ATP2B4: variants seen among roughly 807,000 people sequenced by gnomAD.
ATP2B4 encodes ATPase plasma membrane Ca2+ transporting 4.
In ATP2B4, 39 loss-of-function variants were observed where a neutral mutation model predicts 110.3. The observed-to-expected ratio is 0.35, with a 90% confidence interval of 0.27 to 0.46. The LOEUF (loss-of-function observed/expected upper bound fraction) is 0.46. Ranked by LOEUF, ATP2B4 falls within the 20% of genes least tolerant of loss-of-function variation. The pLI, the probability that ATP2B4 is intolerant of heterozygous loss-of-function variation, is 1.00. For synonymous variants in ATP2B4, 538 were observed against 571.7 expected (o/e 0.94, Z 0.84); for missense variants, 1,135 against 1,530.9 (o/e 0.74, Z 4.32).
intron 2 of ATP2B4, among the ~76,000 whole-genome samples, chr1:203,691,260 C>T (rs1351104463): frequency 6.6e-6 from 1 of 152,196 alleles, no homozygotes; most frequent in Non-Finnish European, 1.5e-5. Flanking sequence ...TGGTTTTTAA[C>T]CTTCTCATTC....
At chr1:203,712,867 C>T (rs958962247) in intron 13 of ATP2B4, among the ~76,000 whole-genome samples, 9 of 152,034 alleles carry the variant, frequency 5.9e-5, no homozygotes, top group African/African-American at 1.5e-4. Flanking sequence ...TTTACCCACC[C>T]GAGCCAACAG....
At chr1:203,727,333 T>C (rs2102225730) in intron 19 of ATP2B4, 62 bp from the exon 20 acceptor site, 1 of 1,582,882 alleles carries the variant, frequency 6.3e-7, no homozygotes, top group African/African-American at 1.3e-5. Flanking sequence ...CTCATGTAAG[T>C]TGACTGACAG....
At chr1:203,645,126 C>T (rs1406422869) in intron 1 of ATP2B4, among the ~76,000 whole-genome samples, 4 of 152,188 alleles carry the variant, frequency 2.6e-5, no homozygotes, top group Admixed American at 6.5e-5. Context: ...GTACATTCTC[C>T]TAACTTGCTC....
intron 1 of ATP2B4, among the ~76,000 whole-genome samples, chr1:203,680,722 AT>A (rs1201969782): frequency 1.3e-5 from 2 of 152,144 alleles, no homozygotes; most frequent in Non-Finnish European, 2.9e-5. Context: ...CTATAATTCC[AT>A]TCCTTTATCA....
chr1:203,650,723 A>T (rs1305132082), intron 1 of ATP2B4, among the ~76,000 whole-genome samples: 1 of 152,202 alleles, frequency 6.6e-6, no homozygotes, highest in Non-Finnish European at 1.5e-5. Flanking sequence ...TGCGAGGCTC[A>T]GCATGCCGGC....
chr1:203,691,576 G>A (rs1472884372), intron 2 of ATP2B4, among the ~76,000 whole-genome samples: 1 of 152,206 alleles, frequency 6.6e-6, no homozygotes, highest in Non-Finnish European at 1.5e-5. Flanking sequence ...CCCACCTTGG[G>A]AAGGGTTTTG....
At chr1:203,676,906 C>A (rs12739352) in intron 1 of ATP2B4, among the ~76,000 whole-genome samples, 44,585 of 151,996 alleles carry the variant, frequency 0.29, 6,835 homozygotes, top group South Asian at 0.53. Context: ...AGAAAGTTTA[C>A]AAGAGGTAGA....
At chr1:203,662,607 T>C (rs1356790497) in intron 1 of ATP2B4, among the ~76,000 whole-genome samples, 1 of 152,224 alleles carries the variant, frequency 6.6e-6, no homozygotes, top group African/African-American at 2.4e-5. Context: ...TAGCATAATG[T>C]TTTCAAGGTT....
At chr1:203,682,085 C>A (rs1014076362) in intron 1 of ATP2B4, among the ~76,000 whole-genome samples, 9 of 152,172 alleles carry the variant, frequency 5.9e-5, no homozygotes, top group African/African-American at 1.9e-4. Flanking sequence ...TGCAGAATTT[C>A]CGTACACCTG....
intron 7 of ATP2B4, 72 bp from the exon 8 acceptor site, chr1:203,703,580 G>C (rs1265383863): frequency 1.3e-6 from 2 of 1,532,568 alleles, no homozygotes. Context: ...AAGGTTTTCT[G>C]GTTTCCACCT....
chr1:203,721,654 CTTTTTTTT>C (rs940034577), intron 17 of ATP2B4, among the ~76,000 whole-genome samples: 3 of 116,620 alleles, frequency 2.6e-5, no homozygotes, highest in Non-Finnish European at 3.5e-5. Context: ...TTCTTTCTTT[CTTTTTTTT>C]TTTTTTTTTT....
intron 10 of ATP2B4, 138 bp downstream of exon 10, chr1:203,708,242 G>A (rs1665907213): frequency 2.3e-6 from 3 of 1,312,124 alleles, no homozygotes; most frequent in Admixed American, 2.0e-5. Context: ...GAGTGAACAT[G>A]TTTGGGTGAG....
At chr1:203,721,440 G>A (rs150860585) in intron 17 of ATP2B4, 30 bp downstream of exon 17, 5 of 1,606,358 alleles carry the variant, frequency 3.1e-6, no homozygotes, top group Non-Finnish European at 4.3e-6. Context: ...GGTAGCAGCT[G>A]GGGTCCTGGT....
chr1:203,648,630 C>G (rs1663885084), intron 1 of ATP2B4, among the ~76,000 whole-genome samples: 1 of 152,178 alleles, frequency 6.6e-6, no homozygotes, highest in Non-Finnish European at 1.5e-5. Context: ...GGATCCAGGG[C>G]CAGGACATGG....
At chr1:203,701,571 A>C (rs1364532419) in intron 6 of ATP2B4, among the ~76,000 whole-genome samples, 1 of 152,236 alleles carries the variant, frequency 6.6e-6, no homozygotes, top group Non-Finnish European at 1.5e-5. Context: ...TGTTTAGTGG[A>C]GGACAGTTTA....
In ATP2B4 at chr1:203,702,045, T is replaced by G; in HGVS notation, c.903T>G (p.Gly301=). The G allele has an allele frequency of 6.2e-7, 1 of 1,613,970 alleles. No individual in the cohort carries two copies. The highest frequency in any genetic ancestry group is 1.7e-5 in the Admixed American group (1 of 59,998). ...EDDEGEKKKK[G]KKQGVPENRN... ...CTTTTTTCTTTCTTGTTCAAACAGG[T>G]AAAAAACAAGGAGTCCCTGAAAATC... The change falls in exon 7 of 21, where the codon GGT becomes GGG. Residue 301 remains glycine (G), a splice_region_variant and synonymous_variant. Transcript: ENST00000357681.
At chr1:203,695,234 C>G (rs1480206088) in intron 2 of ATP2B4, among the ~76,000 whole-genome samples, 2 of 152,224 alleles carry the variant, frequency 1.3e-5, no homozygotes, top group Non-Finnish European at 1.5e-5. Context: ...GCCAGCAAGC[C>G]TGGCTCTCCA....
rs955339015 is a variant in ATP2B4 at position 203,707,367 on chromosome 1, T to C, written c.1314+144T>C. 7 of 696,404 alleles carry C rather than the reference T, an allele frequency of 1.0e-5. No individual in the cohort carries two copies. The African/African-American group carries it at 1.3e-4, about 12-fold the overall frequency. 43.1% of individuals were successfully genotyped at this position (696,404 alleles called of 1,614,324 possible). On this transcript the variant is annotated intron_variant, in intron 9 of 20. Transcript: ENST00000357681. ...ACAAGAGCAGAAGTCCCTGGTATTA[T>C]GGAAGGACCATCTCTGTCAGATGCA...
intron 15 of ATP2B4, 124 bp from the exon 16 acceptor site, chr1:203,720,425 T>C: frequency 1.0e-6 from 1 of 953,818 alleles, no homozygotes. Context: ...TGCTCTTTGT[T>C]TTCTTTTGTG....
Sources: gnomAD v4.1 joint callset for allele counts (sites outside exome capture counted in the v4.1 genomes callset) on GRCh38, gnomAD v4.1.1 for gene constraint, MANE v1.5 for transcripts, NCBI Gene and HGNC (gene_info 2026-07-23, HGNC 2026-07-21) for gene names.